The following GALNT13 variants were observed in gnomAD, a reference collection of about 807,000 sequenced individuals.
GALNT13 encodes polypeptide N-acetylgalactosaminyltransferase 13.
Under a neutral mutation model 64.2 loss-of-function variants are expected in GALNT13, and 28 were observed. The observed-to-expected ratio is 0.44, with a 90% CI of 0.32 to 0.60. The LOEUF (loss-of-function observed/expected upper bound fraction) is 0.60, where lower values mean the gene tolerates loss of function less well. Among genes scored for constraint, GALNT13 ranks in the 20% least tolerant of loss-of-function variants. The pLI is 0.05. For synonymous variants in GALNT13, 214 were observed against 224.6 expected (o/e 0.95, Z 0.42); for missense variants, 577 against 669.8 (o/e 0.86, Z 1.53).
chr2:153,716,686 T>A, the GALNT13 span, among the ~76,000 whole-genome samples: 1 of 152,190 alleles, frequency 6.6e-6, no homozygotes. Flanking sequence ...CTTTCAATGG[T>A]TCACTAATAA....
the GALNT13 span, among the ~76,000 whole-genome samples, chr2:153,097,500 A>G: frequency 6.6e-6 from 1 of 152,066 alleles, no homozygotes; most frequent in African/African-American, 2.4e-5. Flanking sequence ...TTTTTGTTCA[A>G]ATGCTTAGAT....
chr2:153,262,283 G>A, the GALNT13 span, among the ~76,000 whole-genome samples: 1 of 152,170 alleles, frequency 6.6e-6, no homozygotes, highest in Non-Finnish European at 1.5e-5. Flanking sequence ...TTCATCGGCA[G>A]TTGATGAATT....
chr2:154,054,648 C>A (rs1699809277), intron 3 of GALNT13, among the ~76,000 whole-genome samples: 1 of 151,820 alleles, frequency 6.6e-6, no homozygotes, highest in Non-Finnish European at 1.5e-5. Context: ...AATTGAATAT[C>A]CTTCTTTTTT....
At chr2:153,467,550 C>A in the GALNT13 span, among the ~76,000 whole-genome samples, 1 of 152,026 alleles carries the variant, frequency 6.6e-6, no homozygotes, top group Non-Finnish European at 1.5e-5. Flanking sequence ...AGCATAAGAA[C>A]ATTTTACCTG....
chr2:154,296,752 A>T lies in GALNT13; in HGVS notation c.976-4657A>T, dbSNP rs137859364. On this transcript the variant is annotated intron_variant, in intron 8 of 12. Coordinates refer to ENST00000392825, the MANE Select transcript of GALNT13 (RefSeq NM_052917.4). ...ACTGGGGTGGGGCTACTTTATTTTT[A>T]TTTTATTTTTTTAAAGATTCTTTTT... Among the ~76,000 whole-genome samples the T allele has an allele frequency of 2.6e-5, 4 of 152,112 alleles. No individual in the cohort carries two copies. The East Asian group carries it at 5.8e-4, about 22-fold the overall frequency.
chr2:153,143,580 C>G, the GALNT13 span, among the ~76,000 whole-genome samples: 2 of 152,016 alleles, frequency 1.3e-5, no homozygotes, highest in African/African-American at 4.8e-5. Flanking sequence ...AGCCATAGTC[C>G]TTTCAGCTTC....
chr2:154,215,797 A>C (rs896117407), intron 4 of GALNT13, among the ~76,000 whole-genome samples: 1 of 152,130 alleles, frequency 6.6e-6, no homozygotes, highest in Admixed American at 6.6e-5. Flanking sequence ...GAGCAAATGA[A>C]TAACAATCTT....
chr2:153,456,545 T>C, the GALNT13 span, among the ~76,000 whole-genome samples: 1 of 152,170 alleles, frequency 6.6e-6, no homozygotes, highest in Non-Finnish European at 1.5e-5. Flanking sequence ...CCCTAAGATA[T>C]CCATTTGTGT....
At chr2:153,633,378 G>A in the GALNT13 span, among the ~76,000 whole-genome samples, 2 of 152,066 alleles carry the variant, frequency 1.3e-5, no homozygotes, top group African/African-American at 4.8e-5. Context: ...ATCTCACCAA[G>A]TAGTCATTTT....
intron 8 of GALNT13, among the ~76,000 whole-genome samples, chr2:154,290,860 T>C (rs1383675637): frequency 6.6e-6 from 1 of 152,102 alleles, no homozygotes; most frequent in Non-Finnish European, 1.5e-5. Context: ...GCTGCAACCT[T>C]CACAGTGAGT....
the GALNT13 span, among the ~76,000 whole-genome samples, chr2:153,078,526 C>T: frequency 2.6e-5 from 4 of 151,754 alleles, no homozygotes; most frequent in African/African-American, 4.8e-5. Flanking sequence ...TGGCCAGACT[C>T]GTCTGAACTC....
At chr2:153,294,697 G>T in the GALNT13 span, among the ~76,000 whole-genome samples, 1 of 152,100 alleles carries the variant, frequency 6.6e-6, no homozygotes, top group Non-Finnish European at 1.5e-5. Context: ...GGAACTACAG[G>T]ATTGAATAGA....
At chr2:154,363,222 C>G (rs1697175412) in intron 9 of GALNT13, among the ~76,000 whole-genome samples, 1 of 152,212 alleles carries the variant, frequency 6.6e-6, no homozygotes, top group Non-Finnish European at 1.5e-5. Context: ...GTCCAACCAG[C>G]TCACCCCAGT....
intron 2 of GALNT13, among the ~76,000 whole-genome samples, chr2:153,902,283 G>C (rs918341422): frequency 8.6e-6 from 1 of 115,786 alleles, no homozygotes; most frequent in Non-Finnish European, 1.8e-5. Context: ...AGAGGGATGA[G>C]AATAAGAGAT....
the GALNT13 span, among the ~76,000 whole-genome samples, chr2:153,853,217 C>G: frequency 2.2e-4 from 34 of 152,300 alleles, no homozygotes; most frequent in African/African-American, 7.9e-4. Context: ...TCTAGACATG[C>G]TGGCAGCTGA....
At chr2:153,879,718 C>T (rs1686653220) in intron 1 of GALNT13, among the ~76,000 whole-genome samples, 2 of 152,006 alleles carry the variant, frequency 1.3e-5, no homozygotes, top group South Asian at 4.1e-4. Flanking sequence ...GAAAACAGAA[C>T]ACAGATTTCT....
chr2:153,613,078 G>A, the GALNT13 span, among the ~76,000 whole-genome samples: 4 of 152,194 alleles, frequency 2.6e-5, no homozygotes, highest in African/African-American at 9.6e-5. Context: ...CATTATTCAT[G>A]TGACTTTTGG....
intron 4 of GALNT13, among the ~76,000 whole-genome samples, chr2:154,156,072 G>C (rs1684402314): frequency 6.6e-6 from 1 of 150,880 alleles, no homozygotes; most frequent in South Asian, 2.1e-4. Flanking sequence ...TTTTATTTGT[G>C]AGTTATACTG....
chr2:153,604,022 T>A, the GALNT13 span, among the ~76,000 whole-genome samples: 2 of 152,082 alleles, frequency 1.3e-5, no homozygotes, highest in Non-Finnish European at 2.9e-5. Flanking sequence ...AGTCAAATGG[T>A]TGACTGCTGA....
Sources: allele counts gnomAD v4.1 joint callset (sites outside exome capture counted in the v4.1 genomes callset), GRCh38; gene constraint gnomAD v4.1.1; transcripts MANE v1.5; gene names NCBI Gene and HGNC (gene_info 2026-07-23, HGNC 2026-07-21).